RANBP3L: variants seen among roughly 807,000 people sequenced by gnomAD.
RANBP3L encodes the protein RAN binding protein 3 like.
Under a neutral mutation model 67.2 loss-of-function variants are expected in RANBP3L, and 56 were observed. The ratio of observed to expected loss-of-function variants is 0.83; its 90% CI spans 0.67 to 1.04. The LOEUF is 1.04. Among genes scored for constraint, RANBP3L ranks in the 50% least tolerant of loss-of-function variants. The pLI, the probability that RANBP3L is intolerant of heterozygous loss-of-function variation, is 0.00. For synonymous variants in RANBP3L, 164 were observed against 181.4 expected (o/e 0.90, Z 0.77); for missense variants, 496 against 535.5 (o/e 0.93, Z 0.73).
intron 10 of RANBP3L, among the ~76,000 whole-genome samples, chr5:36,256,200 T>C (rs749502119): frequency 1.3e-5 from 2 of 152,076 alleles, no homozygotes; most frequent in Non-Finnish European, 2.9e-5. Context: ...CTGTTAAAAA[T>C]ATAGCATCCT....
intron 4 of RANBP3L, among the ~76,000 whole-genome samples, chr5:36,265,865 T>TACTC (rs1749734881): frequency 6.6e-6 from 1 of 150,404 alleles, no homozygotes; most frequent in Non-Finnish European, 1.5e-5. Context: ...TAATCCCAGC[T>TACTC]ACTCGGGAGG....
chr5:36,290,694 G>C (rs1751672544), intron 1 of RANBP3L, among the ~76,000 whole-genome samples: 1 of 144,472 alleles, frequency 6.9e-6, no homozygotes, highest in Admixed American at 6.9e-5. Flanking sequence ...AACTTCAAAA[G>C]TGTAATTAGG....
chr5:36,286,265 C>T (rs943273380), intron 1 of RANBP3L, among the ~76,000 whole-genome samples: 12 of 152,020 alleles, frequency 7.9e-5, no homozygotes, highest in African/African-American at 2.9e-4. Flanking sequence ...TTCTAGCTCC[C>T]CAAAAGAACC....
rs753643134 is a variant in RANBP3L at position 36,249,613 on chromosome 5, A to G, written c.*41T>C. 1 of 1,142,258 alleles carries G rather than the reference A, an allele frequency of 8.8e-7. No individual in the cohort carries two copies. 70.8% of individuals were successfully genotyped at this position (1,142,258 alleles called of 1,614,324 possible). On this transcript the variant is annotated 3_prime_UTR_variant, in exon 14 of 14. Transcript: ENST00000296604. ...GTGGTTTAGTATTTTCAGTAGGGTG[A>G]CCCCTCTTTTTGTAGATGTCATGTT...
At chr5:36,277,578 T>C (rs1750685289) in intron 1 of RANBP3L, among the ~76,000 whole-genome samples, 1 of 152,026 alleles carries the variant, frequency 6.6e-6, no homozygotes, top group Admixed American at 6.6e-5. Flanking sequence ...TATCTGTATC[T>C]GTCTATTCAT....
At chr5:36,285,180 C>A (rs926691246) in intron 1 of RANBP3L, among the ~76,000 whole-genome samples, 1 of 152,180 alleles carries the variant, frequency 6.6e-6, no homozygotes. Flanking sequence ...GACATGTTAG[C>A]ACTGTGGTAT....
chr5:36,265,977 CAAAAA>C (rs10717173), intron 4 of RANBP3L, among the ~76,000 whole-genome samples: 2 of 76,082 alleles, frequency 2.6e-5, no homozygotes, highest in African/African-American at 1.1e-4. Flanking sequence ...GACTCCATTT[CAAAAA>C]AAAAAAAAAA....
At chr5:36,281,737 C>T (rs1052982940) in intron 1 of RANBP3L, among the ~76,000 whole-genome samples, 1 of 152,128 alleles carries the variant, frequency 6.6e-6, no homozygotes, top group African/African-American at 2.4e-5. Flanking sequence ...GAGATTTGAT[C>T]AAGAATGTCT....
chr5:36,283,418 A>G, intron 1 of RANBP3L, among the ~76,000 whole-genome samples: 1 of 150,442 alleles, frequency 6.6e-6, no homozygotes. Flanking sequence ...AAAAAACACC[A>G]AAATTTTAAT....
chr5:36,292,397 G>A (rs71588432), intron 1 of RANBP3L, among the ~76,000 whole-genome samples: 56,653 of 151,388 alleles, frequency 0.37, 12,573 homozygotes, highest in Middle Eastern at 0.51. Context: ...AGAAGCTCTT[G>A]AGTTTAATTA....
At chr5:36,300,916 C>A (rs76772849) in intron 1 of RANBP3L, among the ~76,000 whole-genome samples, 175 of 152,282 alleles carry the variant, frequency 1.1e-3, no homozygotes, top group Non-Finnish European at 2.0e-3. Flanking sequence ...AGCCAGAGAT[C>A]CAGACAAACT....
chr5:36,247,960 A>G lies in RANBP3L; in HGVS notation c.*1694T>C, dbSNP rs916058702. 6.6e-6 allele frequency among the ~76,000 whole-genome samples: 1 copy of G among 152,192 alleles called. No homozygotes were observed. Among genetic ancestry groups the G allele is most frequent in the Non-Finnish European group, 1.5e-5 (1 of 68,020 alleles). On this transcript the variant is annotated 3_prime_UTR_variant, in exon 14 of 14. Coordinates refer to ENST00000296604, the MANE Select transcript of RANBP3L (RefSeq NM_145000.5). ...TTTAGCAATTTATAGTGCAATCACAATGTTCCCACATCAGCTGAGATCTTA... is the reference window on the plus strand; with the variant it reads ...TTTAGCAATTTATAGTGCAATCACAGTGTTCCCACATCAGCTGAGATCTTA...
At chr5:36,276,180 C>A (rs1021421003) in intron 1 of RANBP3L, among the ~76,000 whole-genome samples, 1 of 152,076 alleles carries the variant, frequency 6.6e-6, no homozygotes, top group Non-Finnish European at 1.5e-5. Flanking sequence ...CAAAACTTCC[C>A]CAGAATAACT....
At chr5:36,274,629 C>T (rs1336864193) in intron 1 of RANBP3L, among the ~76,000 whole-genome samples, 1 of 152,124 alleles carries the variant, frequency 6.6e-6, no homozygotes, top group Non-Finnish European at 1.5e-5. Flanking sequence ...TTTGCAAGGC[C>T]TTGCAGGTTC....
At chr5:36,252,173 C>T (rs758723884) in intron 12 of RANBP3L, among the ~76,000 whole-genome samples, 13 of 151,932 alleles carry the variant, frequency 8.6e-5, no homozygotes, top group Non-Finnish European at 1.3e-4. Flanking sequence ...TTCCCTCTTC[C>T]CTTTATGAAT....
chr5:36,282,464 A>T (rs928205190), intron 1 of RANBP3L, among the ~76,000 whole-genome samples: 4 of 152,238 alleles, frequency 2.6e-5, no homozygotes, highest in Non-Finnish European at 5.9e-5. Context: ...TTGAGTCCAG[A>T]TAAATTTAAA....
chr5:36,293,968 A>G (rs1250119020), intron 1 of RANBP3L, among the ~76,000 whole-genome samples: 1 of 151,824 alleles, frequency 6.6e-6, no homozygotes, highest in African/African-American at 2.4e-5. Context: ...ATAGTTTCAG[A>G]AGGAATGGTA....
At chr5:36,295,336 A>G (rs566425356) in intron 1 of RANBP3L, among the ~76,000 whole-genome samples, 11 of 149,794 alleles carry the variant, frequency 7.3e-5, no homozygotes, top group Admixed American at 1.3e-4. Flanking sequence ...TTCTCATGAT[A>G]GTGAGTTCTC....
chr5:36,277,951 C>G (rs1229763811), intron 1 of RANBP3L, among the ~76,000 whole-genome samples: 1 of 152,058 alleles, frequency 6.6e-6, no homozygotes, highest in African/African-American at 2.4e-5. Context: ...AAGGGGGTTT[C>G]CCTTTATAAA....
Sources: gnomAD v4.1 joint callset for allele counts (sites outside exome capture counted in the v4.1 genomes callset) on GRCh38, gnomAD v4.1.1 for gene constraint, MANE v1.5 for transcripts, NCBI Gene and HGNC (gene_info 2026-07-23, HGNC 2026-07-21) for gene names.